The following KLC1 variants were observed in gnomAD, a reference collection of about 807,000 sequenced individuals.
KLC1 encodes the protein kinesin 2 60/70kDa.
A neutral mutation model predicts 84.2 loss-of-function variants in KLC1; 30 were observed. The observed-to-expected ratio is 0.36, with a 90% CI of 0.27 to 0.48. The LOEUF is 0.48. Among genes scored for constraint, KLC1 ranks in the 20% least tolerant of loss-of-function variants. The probability of loss-of-function intolerance (pLI) is 0.99; values close to 1 mark genes in which losing one functional copy is unlikely to be tolerated. For synonymous variants in KLC1, 289 were observed against 293.3 expected (o/e 0.99, Z 0.15); for missense variants, 499 against 805.4 (o/e 0.62, Z 4.60).
intron 15 of KLC1, chr14:103,699,139 G>A (rs1343968212): frequency 7.0e-6 from 11 of 1,573,000 alleles, no homozygotes; most frequent in African/African-American, 5.4e-5. Context: ...TCACCCCAGC[G>A]GCCCGTGTGC....
chr14:103,648,860 G>A (rs1487523681), intron 1 of KLC1, among the ~76,000 whole-genome samples: 1 of 152,190 alleles, frequency 6.6e-6, no homozygotes, highest in Admixed American at 6.5e-5. Context: ...CAGTGGGCTG[G>A]GTGCAGTGGC....
intron 1 of KLC1, among the ~76,000 whole-genome samples, chr14:103,637,213 T>C (rs2077112798): frequency 6.6e-6 from 1 of 152,146 alleles, no homozygotes; most frequent in Admixed American, 6.6e-5. Context: ...TAATTTTTCT[T>C]AACCATGCTC....
At chr14:103,682,058 A>C (rs1428516090) in intron 13 of KLC1, among the ~76,000 whole-genome samples, 1 of 152,084 alleles carries the variant, frequency 6.6e-6, no homozygotes, top group East Asian at 1.9e-4. Flanking sequence ...ATAGAGACAT[A>C]GGTGTTGAGG....
At chr14:103,688,541 G>A (rs4900591) in intron 14 of KLC1, among the ~76,000 whole-genome samples, 42,510 of 152,102 alleles carry the variant, frequency 0.28, 6,694 homozygotes, top group East Asian at 0.35. Flanking sequence ...CCTTAGAACT[G>A]TTGCCATACA....
chr14:103,685,656 C>A, intron 13 of KLC1: 1 of 1,289,544 alleles, frequency 7.8e-7, no homozygotes, highest in Non-Finnish European at 1.0e-6. Flanking sequence ...GCCCGTGACT[C>A]TCACACTGTC....
chr14:103,699,748 A>G (rs1264360779), intron 15 of KLC1, among the ~76,000 whole-genome samples: 1 of 152,012 alleles, frequency 6.6e-6, no homozygotes, highest in Non-Finnish European at 1.5e-5. Context: ...ATTTTTCTCA[A>G]AGAGGCCCCA....
intron 1 of KLC1, among the ~76,000 whole-genome samples, chr14:103,647,317 A>T (rs1010440441): frequency 6.6e-6 from 1 of 151,834 alleles, no homozygotes; most frequent in African/African-American, 2.4e-5. Flanking sequence ...TCCACTTTCC[A>T]GGTTCAAGCG....
rs375444887 is a variant in KLC1 at position 103,675,637 on chromosome 14, A to G, written c.1311+36A>G. 42 of 1,601,646 alleles carry G rather than the reference A, an allele frequency of 2.6e-5. No homozygotes were observed. The African/African-American group carries it at 5.2e-4, about 20-fold the overall frequency. On this transcript the variant is annotated intron_variant, in intron 10 of 16. Transcript: ENST00000334553. ...ATTATTTTGAGATTTTCTAAATTGT[A>G]TATACTGCATTCAAGATAATTATTC...
intron 6 of KLC1, among the ~76,000 whole-genome samples, chr14:103,669,841 A>G (rs1490593714): frequency 6.6e-6 from 1 of 152,184 alleles, no homozygotes; most frequent in Non-Finnish European, 1.5e-5. Context: ...ATCAAATTGC[A>G]TGTCCTTCTA....
chr14:103,699,912 C>T (rs1056352774), intron 15 of KLC1: 2 of 383,374 alleles, frequency 5.2e-6, no homozygotes, highest in Non-Finnish European at 5.0e-6. Context: ...GTCTGCTCTC[C>T]TTCTGCCATG....
intron 5 of KLC1, among the ~76,000 whole-genome samples, chr14:103,663,741 T>G (rs2079502941): frequency 6.6e-6 from 1 of 152,090 alleles, no homozygotes; most frequent in South Asian, 2.1e-4. Flanking sequence ...TTCCTTTGGC[T>G]CAGTGCCTAG....
At chr14:103,645,449 A>G (rs1231899516) in intron 1 of KLC1, among the ~76,000 whole-genome samples, 1 of 152,166 alleles carries the variant, frequency 6.6e-6, no homozygotes, top group Non-Finnish European at 1.5e-5. Context: ...TGTAGTGGAC[A>G]TCGCAGTCGC....
intron 16 of KLC1, 61 bp from the exon 17 acceptor site, chr14:103,701,140 G>C: frequency 6.5e-7 from 1 of 1,545,692 alleles, no homozygotes; most frequent in Non-Finnish European, 8.8e-7. Flanking sequence ...TTCCAGAACA[G>C]AACTTAGTAA....
intron 1 of KLC1, among the ~76,000 whole-genome samples, chr14:103,638,386 G>A (rs1020645158): frequency 1.3e-5 from 2 of 152,088 alleles, no homozygotes; most frequent in Admixed American, 6.6e-5. Context: ...TTAGAAAATT[G>A]AAATGTAAGT....
At chr14:103,643,834 A>G (rs2077680872) in intron 1 of KLC1, among the ~76,000 whole-genome samples, 1 of 152,142 alleles carries the variant, frequency 6.6e-6, no homozygotes, top group Non-Finnish European at 1.5e-5. Flanking sequence ...AGGCTGAGTC[A>G]GGAGAATCAC....
intron 14 of KLC1, 21 bp from the exon 15 acceptor site, chr14:103,692,338 A>G (rs937167340): frequency 6.5e-7 from 1 of 1,536,074 alleles, no homozygotes; most frequent in African/African-American, 1.4e-5. Context: ...TTGTCCTTGC[A>G]TGTCCGTGTC....
chr14:103,638,445 T>C lies in KLC1; in HGVS notation c.-2+8951T>C, dbSNP rs143443997. The stretch of plus-strand genomic sequence containing the variant: ...TTAAAGCGTGCAGTGCAGTGATTTT[T>C]AATGTATTCTCTGTTTTGTGCAACT... On this transcript the variant is annotated intron_variant, in intron 1 of 16. Transcript: ENST00000334553. Among the ~76,000 whole-genome samples, 936 of 152,182 alleles carry C rather than the reference T, an allele frequency of 6.2e-3. 16 individuals are homozygous for C. Among genetic ancestry groups the C allele is most frequent in the African/African-American group, 0.02 (844 of 41,538 alleles).
At position 103,693,097 on chromosome 14, in the gene KLC1, G is replaced by GA. The variant is rs1384111724; in HGVS notation, c.1848+673dup. Among the ~76,000 whole-genome samples the GA allele has an allele frequency of 4.6e-5, 7 of 152,370 alleles. No homozygotes were observed. Among genetic ancestry groups the GA allele is most frequent in the African/African-American group, 1.7e-4 (7 of 41,590 alleles). On this transcript the variant is annotated intron_variant, in intron 15 of 16. Transcript: ENST00000334553. The surrounding 1 kb of genome is among the most constrained non-coding windows in gnomAD (Gnocchi z 5.1). Reference sequence around the variant, plus strand: ...CCCACCCGGCAGCTCGAGCTGTTGGGACTTGGCAGTCCCTGCCCCTGTGCT... The same window carrying GA: ...CCCACCCGGCAGCTCGAGCTGTTGGGAACTTGGCAGTCCCTGCCCCTGTGCT...
At chr14:103,696,324 G>A (rs571743398) in intron 15 of KLC1, 15 of 985,320 alleles carry the variant, frequency 1.5e-5, no homozygotes, top group East Asian at 2.3e-4. Flanking sequence ...CGGGTGGCAC[G>A]GGGCACTCTC....
Sources: gnomAD v4.1 joint callset for allele counts (sites outside exome capture counted in the v4.1 genomes callset) on GRCh38, gnomAD v4.1.1 for gene constraint, Gnocchi (gnomAD v3.1) non-coding constraint, MANE v1.5 for transcripts, NCBI Gene and HGNC (gene_info 2026-07-23, HGNC 2026-07-21) for gene names.